Variants in HS3ST5 observed in about 807,000 individuals in gnomAD.
The protein encoded by HS3ST5 is heparan sulfate-glucosamine 3-sulfotransferase 5, also known as heparan sulfate glucosamine 3-O-sulfotransferase 5.
In HS3ST5, 10 loss-of-function variants were observed where a neutral mutation model predicts 25.4. That is an observed-to-expected ratio of 0.39 (90% CI 0.24 to 0.67). The LOEUF is 0.67. Ranked by LOEUF, HS3ST5 falls within the 30% of genes least tolerant of loss-of-function variation. HS3ST5 has a pLI of 0.44. For missense variants in HS3ST5, 324 were observed against 420.7 expected (o/e 0.77, Z 2.01); for synonymous variants, 170 against 162.4 (o/e 1.05, Z -0.36).
intron 1 of HS3ST5, among the ~76,000 whole-genome samples, chr6:114,316,384 A>G (rs1775749828): frequency 6.6e-6 from 1 of 152,226 alleles, no homozygotes; most frequent in Admixed American, 6.5e-5. Flanking sequence ...TCATAAAACA[A>G]ACACCACATT....
chr6:114,296,416 T>C (rs532672736), intron 1 of HS3ST5, among the ~76,000 whole-genome samples: 1 of 152,220 alleles, frequency 6.6e-6, no homozygotes, highest in Non-Finnish European at 1.5e-5. Flanking sequence ...GTATACTTAC[T>C]TATGAATTTT....
Position 114,291,245 on chromosome 6 carries a change from AACAG to A in HS3ST5, c.-339+50946_-339+50949del, listed in dbSNP as rs199982610. On this transcript the variant is annotated intron_variant, in intron 1 of 4. Coordinates refer to ENST00000312719, the MANE Select transcript of HS3ST5 (RefSeq NM_153612.4). ...TTGGAGCAAGCAGAAGGCTGATAAA[AACAG>A]ACACACAACTATGTGCATTTCATGC... 8.7e-4 allele frequency among the ~76,000 whole-genome samples: 132 copies of A among 152,252 alleles called. 1 individual carries two copies. Among genetic ancestry groups the A allele is most frequent in the African/African-American group, 3.1e-3 (128 of 41,528 alleles).
At position 114,187,899 on chromosome 6, in the gene HS3ST5, C is replaced by A. The variant is rs1023424341; in HGVS notation, c.-144-19437G>T. Among the ~76,000 whole-genome samples the A allele has an allele frequency of 2.6e-5, 4 of 152,108 alleles. No homozygotes were observed. The East Asian group carries it at 7.7e-4, about 29-fold the overall frequency. On this transcript the variant is annotated intron_variant, in intron 2 of 4. Coordinates refer to ENST00000312719, the MANE Select transcript of HS3ST5 (RefSeq NM_153612.4). ...AGCCATCATCAACCTCAAGGCAAGA[C>A]CCTCCACCAGCAAAAAGATTAGGAC... is the stretch of plus-strand genomic sequence containing the variant.
intron 3 of HS3ST5, among the ~76,000 whole-genome samples, chr6:114,153,505 C>T (rs896197216): frequency 5.3e-5 from 8 of 152,150 alleles, no homozygotes; most frequent in African/African-American, 1.7e-4. Context: ...TGCTCATCTT[C>T]GTATTCATTT....
intron 2 of HS3ST5, among the ~76,000 whole-genome samples, chr6:114,187,894 C>G (rs1013418474): frequency 6.6e-6 from 1 of 152,132 alleles, no homozygotes; most frequent in Non-Finnish European, 1.5e-5. Context: ...AACCTCAAGG[C>G]AAGACCCTCC....
chr6:114,266,074 A>G (rs917859695), intron 1 of HS3ST5, among the ~76,000 whole-genome samples: 5 of 152,222 alleles, frequency 3.3e-5, no homozygotes, highest in Admixed American at 3.3e-4. Context: ...CAAGGATCCC[A>G]AACTGAATTC....
chr6:114,324,464 A>G (rs537250311), intron 1 of HS3ST5, among the ~76,000 whole-genome samples: 33 of 152,190 alleles, frequency 2.2e-4, no homozygotes, highest in Non-Finnish European at 3.2e-4. Context: ...TTGATGCAAC[A>G]TTAGCTTGAT....
intron 3 of HS3ST5, among the ~76,000 whole-genome samples, chr6:114,114,076 T>G (rs190930347): frequency 6.6e-5 from 10 of 152,270 alleles, no homozygotes. Context: ...CAATGACAAG[T>G]TGTGGGCTTT....
intron 3 of HS3ST5, among the ~76,000 whole-genome samples, chr6:114,151,424 G>C (rs1562217035): frequency 6.6e-6 from 1 of 152,196 alleles, no homozygotes; most frequent in Non-Finnish European, 1.5e-5. Flanking sequence ...GCTGACTCTT[G>C]CTGAATTTGG....
chr6:114,145,464 G>A (rs1778114082), intron 3 of HS3ST5, among the ~76,000 whole-genome samples: 1 of 152,132 alleles, frequency 6.6e-6, no homozygotes. Flanking sequence ...TGAGAATGTC[G>A]GGTTTGGGAG....
At chr6:114,216,732 A>AC (rs2114466297) in intron 2 of HS3ST5, among the ~76,000 whole-genome samples, 1 of 150,596 alleles carries the variant, frequency 6.6e-6, no homozygotes, top group Non-Finnish European at 1.5e-5. Context: ...CCTCCTTAAA[A>AC]AAAAAAAAAA....
In HS3ST5 at chr6:114,156,310, G is replaced by A. The variant is rs148789507; in HGVS notation, c.-33+12041C>T. Among the ~76,000 whole-genome samples, 77 of 152,304 alleles carry A rather than the reference G, an allele frequency of 5.1e-4. 1 individual carries two copies. The East Asian group carries it at 0.014, about 28-fold the overall frequency. ...CTCCTCAGCTGAGGTTCACCATGAG[G>A]CAAATTTCTAACAATTGGATTAGGG... On this transcript the variant is annotated intron_variant, in intron 3 of 4. Coordinates refer to ENST00000312719, the MANE Select transcript of HS3ST5 (RefSeq NM_153612.4).
At chr6:114,292,885 T>G (rs1352890557) in intron 1 of HS3ST5, among the ~76,000 whole-genome samples, 2 of 152,228 alleles carry the variant, frequency 1.3e-5, no homozygotes, top group Non-Finnish European at 1.5e-5. Context: ...ATAAATCGCT[T>G]TATATTGTTT....
intron 1 of HS3ST5, among the ~76,000 whole-genome samples, chr6:114,314,405 G>A (rs1161917603): frequency 6.6e-6 from 1 of 152,182 alleles, no homozygotes; most frequent in African/African-American, 2.4e-5. Context: ...AATTTCAGTT[G>A]CAGCCAAGAT....
In HS3ST5 at chr6:114,287,311, C is replaced by A. The variant is rs554433767; in HGVS notation, c.-339+54884G>T. Among the ~76,000 whole-genome samples the A allele has an allele frequency of 1.3e-3, 205 of 151,942 alleles. 4 individuals are homozygous for A. The highest frequency in any genetic ancestry group is 4.1e-3 in the African/African-American group (168 of 41,476). ...ACAAACCCTATCATTGTCTCCATTTCGCAAATGAGGAAATTAGGGCCCAGA... is the reference window on the plus strand; with the variant it reads ...ACAAACCCTATCATTGTCTCCATTTAGCAAATGAGGAAATTAGGGCCCAGA... On this transcript the variant is annotated intron_variant, in intron 1 of 4. Transcript: ENST00000312719.
At chr6:114,218,293 C>A (rs568033918) in intron 2 of HS3ST5, among the ~76,000 whole-genome samples, 1 of 152,102 alleles carries the variant, frequency 6.6e-6, no homozygotes, top group African/African-American at 2.4e-5. Flanking sequence ...CCGCCGTGCC[C>A]GGTCTACATA....
At chr6:114,172,030 TCCC>T in intron 2 of HS3ST5, among the ~76,000 whole-genome samples, 3 of 152,158 alleles carry the variant, frequency 2.0e-5, no homozygotes, top group Non-Finnish European at 2.9e-5. Context: ...GGAGATTTGT[TCCC>T]ATCATTCTCT....
chr6:114,305,670 G>C (rs768856035), intron 1 of HS3ST5, among the ~76,000 whole-genome samples: 1 of 152,106 alleles, frequency 6.6e-6, no homozygotes, highest in Non-Finnish European at 1.5e-5. Context: ...AAGAAAAGTT[G>C]CCTTCTCCTT....
At chr6:114,104,942 A>T (rs903191035) in intron 3 of HS3ST5, among the ~76,000 whole-genome samples, 1 of 152,142 alleles carries the variant, frequency 6.6e-6, no homozygotes, top group African/African-American at 2.4e-5. Flanking sequence ...TTTGCGGTTT[A>T]CAAGAGCACT....
Sources: gnomAD v4.1 joint callset for allele counts (sites outside exome capture counted in the v4.1 genomes callset) on GRCh38, gnomAD v4.1.1 for gene constraint, MANE v1.5 for transcripts, NCBI Gene and HGNC (gene_info 2026-07-23, HGNC 2026-07-21) for gene names.